The following PPP6C variants were observed in gnomAD, a reference collection of about 807,000 sequenced individuals.
PPP6C encodes serine/threonine-protein phosphatase 6 catalytic subunit.
Under a neutral mutation model 39.8 loss-of-function variants are expected in PPP6C, and 11 were observed. That is an observed-to-expected ratio of 0.28 (90% CI 0.17 to 0.46). The LOEUF (loss-of-function observed/expected upper bound fraction) is 0.46, where lower values mean the gene tolerates loss of function less well. Ranked by LOEUF, PPP6C falls within the 20% of genes least tolerant of loss-of-function variation. The pLI is 1.00. For synonymous variants in PPP6C, 129 were observed against 130.3 expected, an observed-to-expected ratio of 0.99 and a Z score of 0.07; for missense variants, 211 against 373.9, an observed-to-expected ratio of 0.56 and a Z score of 3.59.
At chr9:125,167,619 C>T (rs1829050809) in intron 2 of PPP6C, among the ~76,000 whole-genome samples, 1 of 151,876 alleles carries the variant, frequency 6.6e-6, no homozygotes, top group Admixed American at 6.6e-5. Context: ...AGGAGAATCG[C>T]TTGAACCTGG....
intron 1 of PPP6C, among the ~76,000 whole-genome samples, chr9:125,175,131 C>T (rs577703187): frequency 3.3e-5 from 5 of 151,184 alleles, no homozygotes; most frequent in Admixed American, 2.0e-4. Flanking sequence ...TTGCTTGAAC[C>T]CAGGAGCAGA....
chr9:125,175,853 T>C (rs73579979), intron 1 of PPP6C, among the ~76,000 whole-genome samples: 2,393 of 152,192 alleles, frequency 0.016, 73 homozygotes, highest in African/African-American at 0.055. Context: ...ACAAAGTAAA[T>C]AGCAACAACC....
chr9:125,162,495 C>G (rs1402586515), intron 2 of PPP6C, among the ~76,000 whole-genome samples: 1 of 145,066 alleles, frequency 6.9e-6, no homozygotes, highest in Non-Finnish European at 1.5e-5. Context: ...TGTTATGGTC[C>G]GGGCACAGTG....
At chr9:125,178,840 C>T (rs1199151532) in intron 1 of PPP6C, among the ~76,000 whole-genome samples, 1 of 152,120 alleles carries the variant, frequency 6.6e-6, no homozygotes, top group Non-Finnish European at 1.5e-5. Context: ...TTAGCACAAC[C>T]ATTCTGAAAA....
intron 1 of PPP6C, among the ~76,000 whole-genome samples, chr9:125,175,283 T>G (rs905466455): frequency 6.6e-6 from 1 of 151,964 alleles, no homozygotes; most frequent in African/African-American, 2.4e-5. Flanking sequence ...GCCTTAAACT[T>G]TATACTGAAA....
Position 125,188,857 on chromosome 9 carries a change from T to C in PPP6C, c.75+787A>G, listed in dbSNP as rs185586583. On this transcript the variant is annotated intron_variant, in intron 1 of 6. Transcript: ENST00000373547. Reference sequence around the variant, plus strand: ...AAAAAAGAAAAGCAGTATACCAAAGTCATTCCTTTACCCATACATACATTT... The same window carrying C: ...AAAAAAGAAAAGCAGTATACCAAAGCCATTCCTTTACCCATACATACATTT... 6.8e-5 allele frequency: 75 copies of C among 1,109,278 alleles called. No individual in the cohort carries two copies. In the African/African-American group the frequency reaches 1.1e-3, roughly 16 times the overall value. 68.7% of individuals were successfully genotyped at this position (1,109,278 alleles called of 1,614,324 possible).
In PPP6C at chr9:125,149,388, A is replaced by T. The variant is rs1588269177; in HGVS notation, c.*285T>A. On this transcript the variant is annotated 3_prime_UTR_variant, in exon 7 of 7. Coordinates refer to ENST00000373547, the MANE Select transcript of PPP6C (RefSeq NM_002721.5). ...AACACATCCTGTTTCCCAGACCAGT[A>T]AATAAGCAAGAGCTACATGCAGCAG... is the stretch of plus-strand genomic sequence containing the variant. 1 of 285,114 alleles carries T rather than the reference A, an allele frequency of 3.5e-6. No individual in the cohort carries two copies. The highest frequency in any genetic ancestry group is 6.1e-5 in the East Asian group (1 of 16,458). 17.7% of individuals were successfully genotyped at this position (285,114 alleles called of 1,614,324 possible).
intron 2 of PPP6C, among the ~76,000 whole-genome samples, chr9:125,166,563 C>T (rs112206844): frequency 0.034 from 4,823 of 142,992 alleles, 234 homozygotes; most frequent in African/African-American, 0.12. Flanking sequence ...AGCAGAGTCT[C>T]ACTCTGTCAC....
At chr9:125,162,775 CAAAA>C (rs143453437) in intron 2 of PPP6C, among the ~76,000 whole-genome samples, 3 of 112,812 alleles carry the variant, frequency 2.7e-5, no homozygotes, top group Non-Finnish European at 3.7e-5. Context: ...GACTCCGTCT[CAAAA>C]AAAAAAAAAA....
At chr9:125,167,379 CAAAAAAAAAAAA>C (rs758123351) in intron 2 of PPP6C, among the ~76,000 whole-genome samples, 3 of 56,086 alleles carry the variant, frequency 5.3e-5, no homozygotes, top group South Asian at 1.8e-3. Flanking sequence ...AGACCCTGTC[CAAAAAAAAAAAA>C]AAAAAAAAGA....
intron 4 of PPP6C, among the ~76,000 whole-genome samples, chr9:125,154,253 G>A (rs892684442): frequency 4.6e-5 from 7 of 152,150 alleles, no homozygotes; most frequent in African/African-American, 1.7e-4. Context: ...GAACATCATC[G>A]GATGTCCTTA....
intron 2 of PPP6C, among the ~76,000 whole-genome samples, chr9:125,168,810 G>A (rs1040134965): frequency 3.3e-5 from 5 of 151,180 alleles, no homozygotes; most frequent in Non-Finnish European, 5.9e-5. Context: ...TGCCCAGGCT[G>A]GGGTGCAATG....
intron 4 of PPP6C, among the ~76,000 whole-genome samples, chr9:125,156,744 G>GCT (rs61252351): frequency 0.043 from 6,039 of 141,194 alleles, 141 homozygotes; most frequent in South Asian, 0.067. Flanking sequence ...TAATAAGCTC[G>GCT]CTCTCTCTCT....
intron 1 of PPP6C, among the ~76,000 whole-genome samples, chr9:125,177,027 T>C (rs1588292882): frequency 6.6e-6 from 1 of 152,152 alleles, no homozygotes; most frequent in Non-Finnish European, 1.5e-5. Context: ...CCCCTGTAAA[T>C]AGACTATTTT....
intron 6 of PPP6C, chr9:125,150,925 C>T: frequency 9.5e-7 from 1 of 1,056,430 alleles, no homozygotes; most frequent in Non-Finnish European, 1.5e-6. Flanking sequence ...CCATGCTTCC[C>T]TTATGCCCAG....
rs565948022 is a variant in PPP6C, at chr9:125,188,946, T to C, written c.75+698A>G. On this transcript the variant is annotated intron_variant, in intron 1 of 6. Transcript: ENST00000373547. ...CCTTTAGAAAACGAAGAAAATGAAA[T>C]ACTGAGTTAAGAAGGGGTTAAGGAG... 4.6e-5 allele frequency: 71 copies of C among 1,548,472 alleles called. 1 individual carries two copies. The African/African-American group carries it at 9.0e-4, about 20-fold the overall frequency.
chr9:125,173,525 CCGAGGTCG>C (rs1163698587), intron 1 of PPP6C, among the ~76,000 whole-genome samples: 3 of 151,204 alleles, frequency 2.0e-5, no homozygotes, highest in East Asian at 3.9e-4. Context: ...TTGCCGAAAA[CCGAGGTCG>C]CGCCACTGCA....
intron 4 of PPP6C, among the ~76,000 whole-genome samples, chr9:125,157,017 A>G (rs1836093854): frequency 6.6e-6 from 1 of 151,920 alleles, no homozygotes; most frequent in African/African-American, 2.4e-5. Flanking sequence ...TCTAGGGTAC[A>G]TGTGCACAAC....
At chr9:125,156,424 C>T (rs906006198) in intron 4 of PPP6C, among the ~76,000 whole-genome samples, 1 of 152,012 alleles carries the variant, frequency 6.6e-6, no homozygotes, top group South Asian at 2.1e-4. Flanking sequence ...CAGGCAAGTG[C>T]CACCATGCCC....
Sources: gnomAD v4.1 joint callset for allele counts (sites outside exome capture counted in the v4.1 genomes callset) on GRCh38, gnomAD v4.1.1 for gene constraint, MANE v1.5 for transcripts, NCBI Gene and HGNC (gene_info 2026-07-23, HGNC 2026-07-21) for gene names.